Variants in SAP130 observed in about 807,000 individuals in gnomAD.
The protein encoded by SAP130 is Sin3A associated protein 130, also known as histone deacetylase complex subunit SAP130.
In SAP130, 16 loss-of-function variants were observed where a neutral mutation model predicts 103.2. That is an observed-to-expected ratio of 0.16 (90% CI 0.10 to 0.24). The LOEUF (loss-of-function observed/expected upper bound fraction) is 0.24. Ranked by LOEUF, SAP130 falls within the 10% of genes least tolerant of loss-of-function variation. The pLI, the probability that SAP130 is intolerant of heterozygous loss-of-function variation, is 1.00. For missense variants in SAP130, 990 were observed against 1,359.7 expected (o/e 0.73, Z 4.28); for synonymous variants, 477 against 497.0 (o/e 0.96, Z 0.53).
At chr2:127,943,214 AACAG>A (rs1370981764) in intron 19 of SAP130, among the ~76,000 whole-genome samples, 2 of 152,082 alleles carry the variant, frequency 1.3e-5, no homozygotes, top group African/African-American at 4.8e-5. Flanking sequence ...AGATACTGAC[AACAG>A]ACAATGTTCT....
intron 16 of SAP130, 122 bp from the exon 17 acceptor site, chr2:127,950,530 C>T (rs1177247767): frequency 8.7e-7 from 1 of 1,155,242 alleles, no homozygotes; most frequent in Non-Finnish European, 1.2e-6. Flanking sequence ...TTATTGTCTT[C>T]CTATGTGTCT....
intron 15 of SAP130, among the ~76,000 whole-genome samples, chr2:127,970,594 G>T (rs1299209989): frequency 1.3e-5 from 2 of 148,664 alleles, no homozygotes; most frequent in East Asian, 3.9e-4. Context: ...TGCATGCCTG[G>T]AGTCCCAGGT....
Position 127,989,596 on chromosome 2 carries a change from G to A in SAP130, c.1748C>T (p.Thr583Ile). ...TQGLQPAPMG[T>I]QQPQPEGKTS... ...CTTTCCTTCAGGCTGAGGCTGCTGA[G>A]TACCCATAGGTGCAGGCTGAAGCCC... is the stretch of plus-strand genomic sequence containing the variant. The change falls in exon 13 of 21, where the codon ACT becomes ATT. Residue 583 changes from threonine (T) to isoleucine (I), a missense_variant. Around this residue, in one of 6 missense-constraint regions of SAP130, gnomAD observed 349 missense variants for 384.1 expected, o/e 0.91. Transcript: ENST00000643581. The surrounding 1 kb of genome is among the most constrained non-coding windows in gnomAD (Gnocchi z 4.6). The A allele has an allele frequency of 1.9e-6, 3 of 1,613,834 alleles. No individual in the cohort carries two copies. Among genetic ancestry groups the A allele is most frequent in the Non-Finnish European group, 2.5e-6 (3 of 1,179,748 alleles).
chr2:128,015,344 C>T (rs1684697522), intron 4 of SAP130, among the ~76,000 whole-genome samples: 2 of 152,116 alleles, frequency 1.3e-5, no homozygotes, highest in African/African-American at 4.8e-5. Flanking sequence ...CCAACAGGTG[C>T]TCCCTACCAG....
chr2:128,015,670 G>A (rs553895961), intron 4 of SAP130, among the ~76,000 whole-genome samples: 10 of 152,194 alleles, frequency 6.6e-5, no homozygotes, highest in African/African-American at 9.6e-5. Context: ...GGCTGGGTGC[G>A]GTGGCTCATG....
intron 7 of SAP130, among the ~76,000 whole-genome samples, chr2:128,006,639 G>A (rs763865876): frequency 2.0e-5 from 3 of 152,172 alleles, no homozygotes; most frequent in Non-Finnish European, 4.4e-5. Flanking sequence ...GCCAGGCATG[G>A]TGCATGGTGG....
chr2:127,990,359 T>C (rs1452732338), intron 12 of SAP130, among the ~76,000 whole-genome samples: 2 of 150,252 alleles, frequency 1.3e-5, no homozygotes, highest in Admixed American at 1.3e-4. Flanking sequence ...ACTGTGTATA[T>C]TGAAAAAAAA....
rs1486208741 is a variant in SAP130 at position 128,026,057 on chromosome 2, C to G, written c.112+124G>C. On this transcript the variant is annotated intron_variant, in intron 2 of 20. Transcript: ENST00000643581. ...GTTTAAATTAGAATAGTAATATACC[C>G]TTTCTTCAAATTCAAGAAACAAGAA... 1.9e-5 allele frequency: 13 copies of G among 700,046 alleles called. No individual in the cohort carries two copies. In the South Asian group the frequency reaches 2.3e-4, roughly 12 times the overall value. The allele number at this position is 700,046 out of a possible 1,614,324, so 43.4% of individuals were successfully genotyped here. A position where few individuals can be genotyped will look rare whatever the true frequency, so the allele number is the denominator to read the frequency against.
intron 15 of SAP130, among the ~76,000 whole-genome samples, chr2:127,969,628 T>A (rs897801697): frequency 2.0e-5 from 3 of 152,112 alleles, no homozygotes; most frequent in Non-Finnish European, 2.9e-5. Context: ...GATCAAAGAG[T>A]TGGCAGGGCT....
In SAP130 at chr2:128,010,419, T is replaced by C. The variant is rs527928111; in HGVS notation, c.745-26A>G. The C allele has an allele frequency of 5.7e-6, 9 of 1,592,446 alleles. No individual in the cohort carries two copies. The South Asian group carries it at 9.1e-5, about 16-fold the overall frequency. ...CTACCAAAAGAGAAAAAACAGTTCA[T>C]TTAAAACAAAAATAAAATAGAGGAA... On this transcript the variant is annotated intron_variant, in intron 6 of 20. Coordinates refer to ENST00000643581, the MANE Select transcript of SAP130 (RefSeq NM_001330301.2).
At chr2:127,962,811 C>T (rs1179037271) in intron 15 of SAP130, among the ~76,000 whole-genome samples, 2 of 151,204 alleles carry the variant, frequency 1.3e-5, no homozygotes, top group East Asian at 1.9e-4. Flanking sequence ...CATACCAACA[C>T]GGCACATGTA....
At chr2:127,995,184 G>A (rs1379222347) in intron 11 of SAP130, among the ~76,000 whole-genome samples, 1 of 152,180 alleles carries the variant, frequency 6.6e-6, no homozygotes, top group East Asian at 1.9e-4. Context: ...TGCTCAAAGG[G>A]CCTAGAAGAA....
intron 15 of SAP130, among the ~76,000 whole-genome samples, chr2:127,968,038 C>T (rs1197030597): frequency 1.3e-5 from 2 of 151,608 alleles, no homozygotes; most frequent in African/African-American, 4.8e-5. Flanking sequence ...AGTCAGGTAA[C>T]GGTTTTGAAC....
At chr2:127,957,950 G>T (rs1488404858) in intron 15 of SAP130, among the ~76,000 whole-genome samples, 2 of 152,138 alleles carry the variant, frequency 1.3e-5, no homozygotes, top group African/African-American at 4.8e-5. Context: ...AATCATGAAA[G>T]AAATAATACA....
intron 2 of SAP130, among the ~76,000 whole-genome samples, chr2:128,019,214 T>C (rs934606600): frequency 6.6e-6 from 1 of 152,172 alleles, no homozygotes; most frequent in African/African-American, 2.4e-5. Flanking sequence ...ATGCTCTTTT[T>C]CTTTTGGTGT....
intron 15 of SAP130, among the ~76,000 whole-genome samples, chr2:127,963,586 T>C (rs1680416054): frequency 1.3e-5 from 2 of 152,198 alleles, no homozygotes; most frequent in Non-Finnish European, 2.9e-5. Flanking sequence ...TGAGTCATAA[T>C]GTGTTATGGT....
intron 6 of SAP130, among the ~76,000 whole-genome samples, chr2:128,011,100 G>GTGTAGACA (rs1310464267): frequency 6.6e-6 from 1 of 152,100 alleles, no homozygotes; most frequent in African/African-American, 2.4e-5. Flanking sequence ...GTTGGTCCTG[G>GTGTAGACA]TGTAGACATT....
rs948827948 is a variant in SAP130 at position 128,016,516 on chromosome 2, G to C, written c.380C>G (p.Pro127Arg). The change falls in exon 4 of 21, where the codon CCC becomes CGC. Residue 127 changes from proline (P) to arginine (R), a missense_variant. Transcript: ENST00000643581. ...PPPKPTMPSR[P>R]IAPAPPSTLS... ...GGTAGAAGGTGGAGCAGGAGCAATG[G>C]GACGGCTAGGCATGGTGGGCTTCGG... 6.2e-7 allele frequency: 1 copy of C among 1,613,538 alleles called. No individual in the cohort carries two copies. The highest frequency in any genetic ancestry group is 1.3e-5 in the African/African-American group (1 of 74,888).
rs756500380 is a variant in SAP130, at chr2:127,986,829, T to G, written c.1914A>C (p.Ser638=). ...TCCGGAGTATGCTTGGCCGTGGCGA[T>G]GAGCCCTGGGCGGGAGCGTTGGTGC... The part of the protein sequence containing the change: ...SASTNAPAQG[S]SPRPSILRKK... Residue 638 remains serine, a synonymous_variant, in exon 14 of 21, where the codon TCA becomes TCC. Coordinates refer to ENST00000643581, the MANE Select transcript of SAP130 (RefSeq NM_001330301.2). The surrounding 1 kb of genome is among the most constrained non-coding windows in gnomAD (Gnocchi z 4.7). 3 of 1,614,218 alleles carry G rather than the reference T, an allele frequency of 1.9e-6. No homozygotes were observed. The African/African-American group carries it at 4.0e-5, about 22-fold the overall frequency.
Sources: allele counts gnomAD v4.1 joint callset (sites outside exome capture counted in the v4.1 genomes callset), GRCh38; gene constraint gnomAD v4.1.1; regional missense constraint gnomAD v4.1.1; non-coding constraint Gnocchi (gnomAD v3.1); transcripts MANE v1.5; gene names NCBI Gene and HGNC (gene_info 2026-07-23, HGNC 2026-07-21).